The following PDE4B variants were observed in gnomAD, a reference collection of about 807,000 sequenced individuals.
PDE4B encodes the protein 3',5'-cyclic-AMP phosphodiesterase 4B.
Under a neutral mutation model 82.2 loss-of-function variants are expected in PDE4B, and 20 were observed. The observed-to-expected ratio is 0.24, with a 90% CI of 0.17 to 0.35. The LOEUF (loss-of-function observed/expected upper bound fraction) is 0.35, where lower values mean the gene tolerates loss of function less well. Among genes scored for constraint, PDE4B ranks in the 10% least tolerant of loss-of-function variants. The pLI is 1.00. For missense variants in PDE4B, 655 were observed against 907.2 expected, an observed-to-expected ratio of 0.72 and a Z score of 3.57; for synonymous variants, 320 against 318.9, an observed-to-expected ratio of 1.00 and a Z score of -0.04.
chr1:66,042,977 C>G (rs546071220), intron 3 of PDE4B, among the ~76,000 whole-genome samples: 2 of 151,530 alleles, frequency 1.3e-5, no homozygotes, highest in Non-Finnish European at 3.0e-5. Context: ...AGTTTCTTAC[C>G]GTATGAAATT....
chr1:66,331,995 G>T lies in PDE4B; in HGVS notation c.635-513G>T, dbSNP rs148287273. ...ATGAATGACTGCCTAGACTTTGAAC[G>T]TAATGGTCAACCAGTTTTCACCCGA... On this transcript the variant is annotated intron_variant, in intron 7 of 16. Coordinates refer to ENST00000341517, the MANE Select transcript of PDE4B (RefSeq NM_002600.4). 1.1e-4 allele frequency: 111 copies of T among 1,029,540 alleles called. 1 individual carries two copies. In the East Asian group the frequency reaches 8.6e-3, roughly 79 times the overall value. The allele number at this position is 1,029,540 out of a possible 1,614,324, so 63.8% of individuals were successfully genotyped here.
At chr1:66,127,017 G>T (rs1362474980) in intron 3 of PDE4B, among the ~76,000 whole-genome samples, 4 of 152,060 alleles carry the variant, frequency 2.6e-5, no homozygotes, top group Non-Finnish European at 5.9e-5. Context: ...AACTATTATA[G>T]ACTGAAGATA....
intron 3 of PDE4B, among the ~76,000 whole-genome samples, chr1:66,055,411 T>G (rs1026380727): frequency 6.6e-6 from 1 of 152,234 alleles, no homozygotes; most frequent in Non-Finnish European, 1.5e-5. Context: ...GATAAAGGAT[T>G]AATAAAATAG....
intron 3 of PDE4B, among the ~76,000 whole-genome samples, chr1:66,015,370 A>G (rs772651978): frequency 6.6e-6 from 1 of 152,186 alleles, no homozygotes; most frequent in Non-Finnish European, 1.5e-5. Flanking sequence ...TAATTACTTT[A>G]TAATAAATAG....
At chr1:66,305,977 G>A (rs1256637224) in intron 7 of PDE4B, among the ~76,000 whole-genome samples, 1 of 152,072 alleles carries the variant, frequency 6.6e-6, no homozygotes, top group Non-Finnish European at 1.5e-5. Flanking sequence ...CCAATAGACT[G>A]CGTTTCTGAG....
At chr1:65,934,587 G>A (rs1319582661) in intron 3 of PDE4B, among the ~76,000 whole-genome samples, 1 of 152,106 alleles carries the variant, frequency 6.6e-6, no homozygotes, top group Non-Finnish European at 1.5e-5. Flanking sequence ...AAAAGACAAA[G>A]AGCAGTTGAA....
intron 3 of PDE4B, among the ~76,000 whole-genome samples, chr1:65,930,453 A>G (rs999320117): frequency 6.6e-6 from 1 of 152,250 alleles, no homozygotes; most frequent in Non-Finnish European, 1.5e-5. Context: ...AGCTACAGGC[A>G]TTCAATGCCA....
intron 3 of PDE4B, among the ~76,000 whole-genome samples, chr1:66,024,141 G>A (rs1052554756): frequency 2.0e-5 from 3 of 152,072 alleles, no homozygotes; most frequent in Non-Finnish European, 4.4e-5. Context: ...CTCCATTAAT[G>A]TGAAGTAGAG....
At chr1:66,105,083 T>C (rs1570245023) in intron 3 of PDE4B, among the ~76,000 whole-genome samples, 1 of 152,190 alleles carries the variant, frequency 6.6e-6, no homozygotes, top group South Asian at 2.1e-4. Context: ...GTCTAACGTT[T>C]ATGTCTTTAA....
At chr1:65,900,983 G>A (rs2100420834) in intron 1 of PDE4B, among the ~76,000 whole-genome samples, 1 of 152,110 alleles carries the variant, frequency 6.6e-6, no homozygotes. Context: ...AGGACTTCCA[G>A]TACAATGTTG....
intron 3 of PDE4B, among the ~76,000 whole-genome samples, chr1:65,980,772 T>C (rs114072253): frequency 0.01 from 1,534 of 152,272 alleles, 20 homozygotes; most frequent in African/African-American, 0.035. Context: ...CAAAAATTCC[T>C]ACATGTTACT....
intron 3 of PDE4B, among the ~76,000 whole-genome samples, chr1:66,120,796 G>A (rs984239222): frequency 3.3e-5 from 5 of 152,116 alleles, no homozygotes; most frequent in African/African-American, 1.2e-4. Flanking sequence ...TCTCATGAAT[G>A]CTATCTCCAT....
chr1:66,358,708 A>C (rs144737674), intron 9 of PDE4B, among the ~76,000 whole-genome samples: 72 of 151,746 alleles, frequency 4.7e-4, no homozygotes, highest in African/African-American at 1.7e-3. Flanking sequence ...AACAGTTTCT[A>C]ATAATATAAA....
chr1:66,105,170 T>C (rs997843237), intron 3 of PDE4B, among the ~76,000 whole-genome samples: 91 of 150,688 alleles, frequency 6.0e-4, no homozygotes, highest in Non-Finnish European at 9.0e-4. Flanking sequence ...CTAGCCAGTT[T>C]TCCCAGCACC....
Position 66,268,167 on chromosome 1 carries a change from T to C in PDE4B, c.634+2080T>C, listed in dbSNP as rs1158910252. ...TCAGAAAGCCTGACTTAGATAACTG[T>C]ATTCTTGTATTGGAGCAATTCAGAG... On this transcript the variant is annotated intron_variant, in intron 7 of 16. Coordinates refer to ENST00000341517, the MANE Select transcript of PDE4B (RefSeq NM_002600.4). Among the ~76,000 whole-genome samples the C allele has an allele frequency of 2.6e-5, 4 of 152,234 alleles. No individual in the cohort carries two copies. In the East Asian group the frequency reaches 7.7e-4, roughly 29 times the overall value.
chr1:66,185,976 A>G (rs1253385234), intron 3 of PDE4B, among the ~76,000 whole-genome samples: 2 of 152,178 alleles, frequency 1.3e-5, no homozygotes, highest in South Asian at 2.1e-4. Context: ...TAGGTCTAAC[A>G]TTTAAGTCTT....
chr1:65,871,691 C>T (rs543713211), intron 1 of PDE4B, among the ~76,000 whole-genome samples: 5 of 152,310 alleles, frequency 3.3e-5, no homozygotes, highest in Admixed American at 2.0e-4. Flanking sequence ...AACTTTCCAT[C>T]GTCTGACCAT....
chr1:65,868,538 T>C (rs142883199), intron 1 of PDE4B, among the ~76,000 whole-genome samples: 2 of 152,342 alleles, frequency 1.3e-5, no homozygotes, highest in African/African-American at 4.8e-5. Flanking sequence ...CATTCACCTA[T>C]TTATTCATTC....
chr1:66,129,501 CA>C (rs569322762), intron 3 of PDE4B, among the ~76,000 whole-genome samples: 9 of 148,628 alleles, frequency 6.1e-5, no homozygotes, highest in South Asian at 4.3e-4. Flanking sequence ...ACTAAAAATA[CA>C]AAAAAAAATT....
Sources: gnomAD v4.1 joint callset for allele counts (sites outside exome capture counted in the v4.1 genomes callset) on GRCh38, gnomAD v4.1.1 for gene constraint, MANE v1.5 for transcripts, NCBI Gene and HGNC (gene_info 2026-07-23, HGNC 2026-07-21) for gene names.